The following RANBP17 variants were observed in gnomAD, a reference collection of about 807,000 sequenced individuals.
RANBP17 encodes RAN binding protein 17, also known as ran-binding protein 17.
Under a neutral mutation model 141.2 loss-of-function variants are expected in RANBP17, and 158 were observed. The ratio of observed to expected loss-of-function variants is 1.12; its 90% CI spans 0.98 to 1.28. The LOEUF (loss-of-function observed/expected upper bound fraction) is 1.28. Ranked by LOEUF, RANBP17 falls within the 50% of genes most tolerant of loss-of-function variation. RANBP17 has a pLI of 0.00. For synonymous variants in RANBP17, 430 were observed against 450.0 expected (o/e 0.96, Z 0.56); for missense variants, 1,438 against 1,290.7 (o/e 1.11, Z -1.75).
At chr5:171,094,997 C>T (rs1786576485) in intron 14 of RANBP17, among the ~76,000 whole-genome samples, 1 of 152,134 alleles carries the variant, frequency 6.6e-6, no homozygotes, top group African/African-American at 2.4e-5. Context: ...CTCTCTTGGT[C>T]CCTCTGTGTT....
intron 14 of RANBP17, among the ~76,000 whole-genome samples, chr5:171,080,206 G>A (rs942959270): frequency 1.3e-5 from 2 of 151,046 alleles, no homozygotes; most frequent in Admixed American, 6.7e-5. Context: ...TACTTGGGGC[G>A]ATACTAGTGA....
intron 3 of RANBP17, among the ~76,000 whole-genome samples, chr5:170,883,568 T>G (rs1289614824): frequency 6.6e-6 from 1 of 152,204 alleles, no homozygotes; most frequent in Non-Finnish European, 1.5e-5. Context: ...AGAATAGTTT[T>G]ACTGCACTAA....
intron 1 of RANBP17, among the ~76,000 whole-genome samples, chr5:170,868,219 G>T (rs1767432726): frequency 6.6e-6 from 1 of 152,060 alleles, no homozygotes; most frequent in Non-Finnish European, 1.5e-5. Context: ...TGTCTCCTAG[G>T]GTATGAAAGT....
chr5:171,132,916 G>A (rs990979703), intron 14 of RANBP17, among the ~76,000 whole-genome samples: 2 of 151,394 alleles, frequency 1.3e-5, no homozygotes, highest in East Asian at 1.9e-4. Context: ...ACGGAGTTTC[G>A]CTCTTGTTGC....
intron 14 of RANBP17, among the ~76,000 whole-genome samples, chr5:171,044,911 GTTCA>G (rs1160544224): frequency 3.9e-5 from 6 of 151,944 alleles, no homozygotes; most frequent in African/African-American, 1.2e-4. Flanking sequence ...AAAGAGTTTG[GTTCA>G]TTATTTTTTC....
chr5:170,880,584 T>A (rs1421178323), intron 2 of RANBP17, among the ~76,000 whole-genome samples: 1 of 152,216 alleles, frequency 6.6e-6, no homozygotes, highest in African/African-American at 2.4e-5. Flanking sequence ...ATTTTCTATT[T>A]TTTCTGACTT....
chr5:171,081,354 C>G (rs556083695), intron 14 of RANBP17, among the ~76,000 whole-genome samples: 1 of 152,180 alleles, frequency 6.6e-6, no homozygotes, highest in African/African-American at 2.4e-5. Flanking sequence ...GAACTGCTTC[C>G]CAGTATACTC....
intron 25 of RANBP17, chr5:171,284,467 G>A (rs1382194310): frequency 6.6e-6 from 1 of 152,140 alleles, no homozygotes; most frequent in African/African-American, 2.4e-5. Flanking sequence ...TAGGACTACA[G>A]GCACACACCA....
intron 14 of RANBP17, among the ~76,000 whole-genome samples, chr5:170,979,303 A>G (rs760767416): frequency 9.2e-5 from 14 of 152,232 alleles, no homozygotes; most frequent in Non-Finnish European, 1.8e-4. Flanking sequence ...GCCTTTCTCT[A>G]TATTTGAAAT....
chr5:171,170,878 T>C (rs1475889857), intron 15 of RANBP17, among the ~76,000 whole-genome samples: 1 of 152,114 alleles, frequency 6.6e-6, no homozygotes, highest in Non-Finnish European at 1.5e-5. Flanking sequence ...GAGCCTCTAT[T>C]TGGCTTTCTT....
chr5:171,110,924 A>G (rs908986725), intron 14 of RANBP17, among the ~76,000 whole-genome samples: 7 of 150,888 alleles, frequency 4.6e-5, no homozygotes, highest in Non-Finnish European at 8.8e-5. Flanking sequence ...GGTTAGTTAC[A>G]TATGTATACA....
intron 13 of RANBP17, among the ~76,000 whole-genome samples, chr5:170,966,901 C>T (rs1343245003): frequency 6.6e-6 from 1 of 152,096 alleles, no homozygotes; most frequent in East Asian, 1.9e-4. Context: ...ACACCAATAA[C>T]AGACAAACAG....
intron 14 of RANBP17, among the ~76,000 whole-genome samples, chr5:171,149,426 G>A (rs550264765): frequency 1.1e-4 from 17 of 152,042 alleles, no homozygotes; most frequent in Non-Finnish European, 2.2e-4. Flanking sequence ...TTCACTTACC[G>A]TATTTCACTT....
chr5:170,895,476 T>C (rs1054879617), intron 4 of RANBP17, among the ~76,000 whole-genome samples: 2 of 152,224 alleles, frequency 1.3e-5, no homozygotes, highest in Non-Finnish European at 2.9e-5. Context: ...TGTATTTATC[T>C]CATTGCATTG....
At chr5:171,143,998 A>G (rs1486742218) in intron 14 of RANBP17, among the ~76,000 whole-genome samples, 5 of 152,112 alleles carry the variant, frequency 3.3e-5, no homozygotes, top group Admixed American at 6.6e-5. Context: ...GGTTATTACT[A>G]TAGTTGGGAA....
chr5:171,154,332 G>A (rs968417243), intron 14 of RANBP17, among the ~76,000 whole-genome samples: 1 of 151,832 alleles, frequency 6.6e-6, no homozygotes, highest in African/African-American at 2.4e-5. Context: ...GCTGGAGTGC[G>A]GTGGCACGAT....
chr5:170,937,930 T>C (rs773323855), intron 12 of RANBP17, among the ~76,000 whole-genome samples: 9 of 152,182 alleles, frequency 5.9e-5, no homozygotes, highest in Non-Finnish European at 1.2e-4. Flanking sequence ...AACTACATCC[T>C]CTGAAAGGCC....
intron 14 of RANBP17, among the ~76,000 whole-genome samples, chr5:171,005,488 TG>T (rs1207158439): frequency 1.3e-5 from 2 of 152,160 alleles, no homozygotes; most frequent in Non-Finnish European, 2.9e-5. Flanking sequence ...AAACAAGAAA[TG>T]GGAAAAGGAT....
At chr5:171,255,828 ATTGT>A (rs1369354278) in intron 24 of RANBP17, among the ~76,000 whole-genome samples, 1 of 152,178 alleles carries the variant, frequency 6.6e-6, no homozygotes, top group East Asian at 1.9e-4. Context: ...TATGTACATG[ATTGT>A]TAGGATGGCT....
Sources: allele counts gnomAD v4.1 joint callset (sites outside exome capture counted in the v4.1 genomes callset), GRCh38; gene constraint gnomAD v4.1.1; transcripts MANE v1.5; gene names NCBI Gene and HGNC (gene_info 2026-07-23, HGNC 2026-07-21).